AHCTF1: variants seen among roughly 807,000 people sequenced by gnomAD.
AHCTF1 encodes the protein protein ELYS.
AHCTF1 carries 24 observed loss-of-function variants against 248.4 expected under a neutral mutation model. That is an observed-to-expected ratio of 0.10 (90% CI 0.07 to 0.14). AHCTF1 has a LOEUF of 0.14. AHCTF1 is among the 10% of genes least tolerant of loss of function. AHCTF1 has a pLI of 1.00. For synonymous variants in AHCTF1, 786 were observed against 929.8 expected (o/e 0.85, Z 2.81); for missense variants, 2,206 against 2,636.2 (o/e 0.84, Z 3.57).
chr1:246,888,710 G>C (rs1664001093), intron 17 of AHCTF1, among the ~76,000 whole-genome samples, 193 bp from the exon 18 acceptor site: 1 of 152,046 alleles, frequency 6.6e-6, no homozygotes, highest in Admixed American at 6.5e-5. Flanking sequence ...AGGAGTTCGA[G>C]ACCAGCCTGG....
At chr1:246,870,870 C>T (rs1181039014) in intron 24 of AHCTF1, among the ~76,000 whole-genome samples, 1 of 152,070 alleles carries the variant, frequency 6.6e-6, no homozygotes, top group African/African-American at 2.4e-5. Context: ...CATATAAATT[C>T]CCAATTCGGG....
intron 17 of AHCTF1, among the ~76,000 whole-genome samples, chr1:246,889,506 AT>A (rs2103134578): frequency 6.6e-6 from 1 of 152,350 alleles, no homozygotes; most frequent in East Asian, 1.9e-4. Context: ...TGCCTAGTCA[AT>A]CTCCCAAGCT....
intron 29 of AHCTF1, among the ~76,000 whole-genome samples, chr1:246,860,557 T>A (rs1455259191): frequency 1.3e-5 from 2 of 152,198 alleles, no homozygotes; most frequent in East Asian, 3.9e-4. Flanking sequence ...TTAACTCTCA[T>A]GCTTTCCTTC....
intron 1 of AHCTF1, chr1:246,931,095 C>G (rs1343238081): frequency 4.5e-6 from 7 of 1,546,994 alleles, no homozygotes; most frequent in Non-Finnish European, 6.1e-6. Context: ...GGCTGAGCCC[C>G]GAGTCCAACT....
Position 246,924,387 on chromosome 1 carries a change from G to A in AHCTF1, c.-7-6010C>T, listed in dbSNP as rs556210791. Among the ~76,000 whole-genome samples the A allele has an allele frequency of 3.3e-5, 5 of 152,038 alleles. No homozygotes were observed. In the South Asian group the frequency reaches 8.3e-4, roughly 25 times the overall value. On this transcript the variant is annotated intron_variant, in intron 1 of 35. Coordinates refer to ENST00000648844, the MANE Select transcript of AHCTF1 (RefSeq NM_001323342.2). ...GAAATATTCACAAAACATTAGTGCC[G>A]TTTATTTTTGTGTGATGCAAATTTG...
chr1:246,885,638 A>C lies in AHCTF1; in HGVS notation c.2515T>G (p.Leu839Val). The C allele has an allele frequency of 6.2e-7, 1 of 1,612,752 alleles. No individual in the cohort carries two copies. Among genetic ancestry groups the C allele is most frequent in the Non-Finnish European group, 8.5e-7 (1 of 1,179,226 alleles). The change falls in exon 21 of 36, where the codon TTG becomes GTG. Residue 839 changes from leucine to valine, a missense_variant. Physicochemically the swap from Leu to Val is conservative, Grantham distance 32. Transcript: ENST00000648844. ...ATAATCTTTGAATGTTGCCATGACA[A>C]AGGTTTTGCAGTAGCTGGATGAAAC... ...LLFHPATAKP[L>V]SWQHSKIIQA...
intron 28 of AHCTF1, 54 bp downstream of exon 28, chr1:246,861,905 G>T: frequency 6.9e-7 from 1 of 1,445,566 alleles, no homozygotes; most frequent in Non-Finnish European, 9.5e-7. Context: ...ACTTGTCAGA[G>T]CTAATACATT....
chr1:246,864,370 A>G (rs879688815), intron 26 of AHCTF1: 9 of 345,378 alleles, frequency 2.6e-5, no homozygotes, highest in East Asian at 5.1e-5. Flanking sequence ...CCCTTTACCT[A>G]TATTTACTGA....
At chr1:246,916,810 A>G (rs1373036423) in intron 2 of AHCTF1, among the ~76,000 whole-genome samples, 1 of 152,210 alleles carries the variant, frequency 6.6e-6, no homozygotes, top group Non-Finnish European at 1.5e-5. Flanking sequence ...GCACAGGCAG[A>G]AGTAGATCCC....
intron 29 of AHCTF1, among the ~76,000 whole-genome samples, chr1:246,859,054 G>C (rs1330374981): frequency 6.6e-6 from 1 of 152,148 alleles, no homozygotes; most frequent in Non-Finnish European, 1.5e-5. Flanking sequence ...CTGGGCGACA[G>C]AGCAAGACTC....
intron 34 of AHCTF1, 37 bp from the exon 35 acceptor site, chr1:246,842,813 C>A: frequency 6.4e-7 from 1 of 1,550,682 alleles, no homozygotes; most frequent in South Asian, 1.1e-5. Flanking sequence ...AAGTATTAAA[C>A]ACGAATCCAA....
rs1660584795 is a variant in AHCTF1 at position 246,850,042 on chromosome 1, A to C, written c.5964T>G (p.Ser1988=). 1 of 1,613,796 alleles carries C rather than the reference A, an allele frequency of 6.2e-7. No homozygotes were observed. The highest frequency in any genetic ancestry group is 1.1e-5 in the South Asian group (1 of 91,086). ...RKINPSEDVG[S]KAVKEERSPK... ...GGCTTCTCTCTTCCTTAACAGCCTTAGATCCTACATCTTCAGATGGATTGA... is the reference window on the plus strand; with the variant it reads ...GGCTTCTCTCTTCCTTAACAGCCTTCGATCCTACATCTTCAGATGGATTGA... The change falls in exon 33 of 36, where the codon TCT becomes TCG. Residue 1988 remains serine, a synonymous_variant. Transcript: ENST00000648844.
chr1:246,897,429 T>C (rs1664663190), intron 12 of AHCTF1, among the ~76,000 whole-genome samples: 1 of 152,220 alleles, frequency 6.6e-6, no homozygotes, highest in Non-Finnish European at 1.5e-5. Context: ...TGAATTGCAT[T>C]TTTCCATATA....
intron 29 of AHCTF1, among the ~76,000 whole-genome samples, chr1:246,859,609 G>C (rs903629635): frequency 3.3e-5 from 5 of 151,952 alleles, no homozygotes; most frequent in African/African-American, 9.7e-5. Context: ...TCATTCTCTT[G>C]CCTGGGCTGG....
intron 1 of AHCTF1, among the ~76,000 whole-genome samples, chr1:246,928,997 C>T (rs1453432279): frequency 6.6e-6 from 1 of 152,068 alleles, no homozygotes; most frequent in Admixed American, 6.6e-5. Flanking sequence ...AGTTTACAAT[C>T]TAGAAAAGGA....
intron 1 of AHCTF1, among the ~76,000 whole-genome samples, chr1:246,926,142 A>C (rs1269526970): frequency 6.6e-6 from 1 of 151,804 alleles, no homozygotes; most frequent in Non-Finnish European, 1.5e-5. Flanking sequence ...CATGATTGGA[A>C]GCTTCCTGAC....
At chr1:246,859,011 G>A (rs1378025419) in intron 29 of AHCTF1, among the ~76,000 whole-genome samples, 3 of 152,140 alleles carry the variant, frequency 2.0e-5, no homozygotes, top group Non-Finnish European at 1.5e-5. Context: ...AGAAGAGGTT[G>A]CAGGAGCTGA....
In AHCTF1 at chr1:246,931,925, G is replaced by C. The variant is rs1667390462; in HGVS notation, c.-355C>G. On this transcript the variant is annotated 5_prime_UTR_variant, in exon 1 of 36. Transcript: ENST00000648844. ...TCGGACAGCGCCGGCCCCGCTCTGCGCATTACCCTGCGCCGACAAAACCGA... is the reference window on the plus strand; with the variant it reads ...TCGGACAGCGCCGGCCCCGCTCTGCCCATTACCCTGCGCCGACAAAACCGA... 1 of 151,898 alleles carries C rather than the reference G, an allele frequency of 6.6e-6. No homozygotes were observed. Among genetic ancestry groups the C allele is most frequent in the South Asian group, 2.1e-4 (1 of 4,806 alleles). The allele number at this position is 151,898 out of a possible 1,614,324, so 9.4% of individuals were successfully genotyped here.
chr1:246,878,098 A>G (rs934960578), intron 21 of AHCTF1, among the ~76,000 whole-genome samples: 2 of 152,026 alleles, frequency 1.3e-5, no homozygotes, highest in Admixed American at 6.6e-5. Context: ...AAGATTAAGT[A>G]TAAGAATATA....
Sources: gnomAD v4.1 joint callset for allele counts (sites outside exome capture counted in the v4.1 genomes callset) on GRCh38, gnomAD v4.1.1 for gene constraint, MANE v1.5 for transcripts, NCBI Gene and HGNC (gene_info 2026-07-23, HGNC 2026-07-21) for gene names.